Variants in SMO observed in about 807,000 individuals in gnomAD.
SMO encodes smoothened, frizzled class receptor.
A neutral mutation model predicts 81.6 loss-of-function variants in SMO; 40 were observed. The observed-to-expected ratio is 0.49, with a 90% CI of 0.38 to 0.64. The LOEUF is 0.64. SMO is among the 30% of genes least tolerant of loss of function. The pLI, the probability that SMO is intolerant of heterozygous loss-of-function variation, is 0.00. For synonymous variants in SMO, 434 were observed against 432.1 expected (o/e 1.00, Z -0.05); for missense variants, 916 against 1,061.1 (o/e 0.86, Z 1.90).
Position 129,212,686 on chromosome 7 carries a change from T to C in SMO, c.*235T>C, listed in dbSNP as rs1793898176. The C allele has an allele frequency of 1.8e-6, 1 of 561,318 alleles. No homozygotes were observed. The allele number at this position is 561,318 out of a possible 1,614,324, so 34.8% of individuals were successfully genotyped here. A position where few individuals can be genotyped will look rare whatever the true frequency, so the allele number is the denominator to read the frequency against. On this transcript the variant is annotated 3_prime_UTR_variant, in exon 12 of 12. Transcript: ENST00000249373. This position sits in a 1 kb window ranked among gnomAD's most constrained non-coding sequence, Gnocchi z 5.0. ...AGGGCCCTGGAGCTCAGGGTCCTTG[T>C]TTCTGCCCTGCCAGCTGCAGCCTGG...
At position 129,211,153 on chromosome 7, in the gene SMO, G is replaced by A. The variant is rs372440411; in HGVS notation, c.1801+40G>A. 118 of 1,573,386 alleles carry A rather than the reference G, an allele frequency of 7.5e-5. No individual in the cohort carries two copies. The African/African-American group carries it at 1.2e-3, about 16-fold the overall frequency. On this transcript the variant is annotated intron_variant, in intron 10 of 11. Coordinates refer to ENST00000249373, the MANE Select transcript of SMO (RefSeq NM_005631.5). This position sits in a 1 kb window ranked among gnomAD's most constrained non-coding sequence, Gnocchi z 4.6. ...TCCTCTACCGGAGCCGCCTGGCCCCGCGCTGCCCATGTGCTAGTCTCTCCC... is the reference window on the plus strand; with the variant it reads ...TCCTCTACCGGAGCCGCCTGGCCCCACGCTGCCCATGTGCTAGTCTCTCCC...
At position 129,206,031 on chromosome 7, in the gene SMO, GC is replaced by G. The variant is rs1793759743; in HGVS notation, c.921-116del. 1.1e-6 allele frequency: 1 copy of G among 917,088 alleles called. No individual in the cohort carries two copies. Among genetic ancestry groups the G allele is most frequent in the Admixed American group, 2.4e-5 (1 of 42,476 alleles). 56.8% of individuals were successfully genotyped at this position (917,088 alleles called of 1,614,324 possible). ...GATCTGACCTGGGTCCTGTCTCCAA[GC>G]CCTGACTTCTGGGAACCTCCAGACC... On this transcript the variant is annotated intron_variant, in intron 4 of 11. Transcript: ENST00000249373. This position sits in a 1 kb window ranked among gnomAD's most constrained non-coding sequence, Gnocchi z 4.4.
intron 1 of SMO, among the ~76,000 whole-genome samples, chr7:129,195,925 C>T (rs1457429164): frequency 6.6e-6 from 1 of 151,828 alleles, no homozygotes; most frequent in African/African-American, 2.4e-5. Flanking sequence ...CACGGTGAAA[C>T]CCCATCTCTA....
rs191988643 is a variant in SMO, at chr7:129,212,002, G to A, written c.1937-22G>A. 88 of 1,562,644 alleles carry A rather than the reference G, an allele frequency of 5.6e-5. No individual in the cohort carries two copies. The African/African-American group carries it at 7.7e-4, about 14-fold the overall frequency. ...TGGACAGAGCCAGGGCCCCAGGCTC[G>A]TGTTGTCTCTCCTCCTGTCAGTGCC... On this transcript the variant is annotated intron_variant, in intron 11 of 11. Coordinates refer to ENST00000249373, the MANE Select transcript of SMO (RefSeq NM_005631.5). This position sits in a 1 kb window ranked among gnomAD's most constrained non-coding sequence, Gnocchi z 5.0.
rs552976972 is a variant in SMO at position 129,211,333 on chromosome 7, T to A, written c.1801+220T>A. 2.3e-4 allele frequency: 168 copies of A among 718,680 alleles called. No individual in the cohort carries two copies. The highest frequency in any genetic ancestry group is 3.8e-4 in the Non-Finnish European group (153 of 400,992). 44.5% of individuals were successfully genotyped at this position (718,680 alleles called of 1,614,324 possible). A position where few individuals can be genotyped will look rare whatever the true frequency, so the allele number is the denominator to read the frequency against. ...TGCCCCTGGGTCTGCTTGCCGGTGCTTGGGTTCCAAGAAGACTCCCCTCCC... is the reference window on the plus strand; with the variant it reads ...TGCCCCTGGGTCTGCTTGCCGGTGCATGGGTTCCAAGAAGACTCCCCTCCC... On this transcript the variant is annotated intron_variant, in intron 10 of 11. Coordinates refer to ENST00000249373, the MANE Select transcript of SMO (RefSeq NM_005631.5). The surrounding 1 kb of genome is among the most constrained non-coding windows in gnomAD (Gnocchi z 4.6).
chr7:129,210,161 G>A lies in SMO; in HGVS notation c.1467-202G>A. On this transcript the variant is annotated intron_variant, in intron 8 of 11. Transcript: ENST00000249373. The surrounding 1 kb of genome is among the most constrained non-coding windows in gnomAD (Gnocchi z 4.7). ...TGGATTGATTGTCTGAGTCTACCCA[G>A]TAGACTCAGAAAACCCCACCTGTAG... 1 of 547,298 alleles carries A rather than the reference G, an allele frequency of 1.8e-6. No homozygotes were observed. Among genetic ancestry groups the A allele is most frequent in the Non-Finnish European group, 3.3e-6 (1 of 304,178 alleles). The allele number at this position is 547,298 out of a possible 1,614,324, so 33.9% of individuals were successfully genotyped here. A position where few individuals can be genotyped will look rare whatever the true frequency, so the allele number is the denominator to read the frequency against.
Position 129,211,055 on chromosome 7 carries a change from G to A in SMO, c.1743G>A (p.Gln581=), listed in dbSNP as rs1793861209. The A allele has an allele frequency of 6.2e-7, 1 of 1,613,922 alleles. No individual in the cohort carries two copies. Among genetic ancestry groups the A allele is most frequent in the Non-Finnish European group, 8.5e-7 (1 of 1,179,980 alleles). The part of the protein sequence containing the change: ...KAFSKRHELL[Q]NPGQELSFSM... Reference sequence around the variant, plus strand: ...TCTCTAAGCGGCACGAGCTCCTGCAGAACCCAGGCCAGGAGCTGTCCTTCA... The same window carrying A: ...TCTCTAAGCGGCACGAGCTCCTGCAAAACCCAGGCCAGGAGCTGTCCTTCA... Residue 581 remains glutamine, a synonymous_variant, in exon 10 of 12, where the codon CAG becomes CAA. Transcript: ENST00000249373. This position sits in a 1 kb window ranked among gnomAD's most constrained non-coding sequence, Gnocchi z 4.6.
Position 129,212,015 on chromosome 7 carries a change from T to A in SMO, c.1937-9T>A, listed in dbSNP as rs2150656231. The A allele has an allele frequency of 6.3e-7, 1 of 1,576,320 alleles. No individual in the cohort carries two copies. The stretch of plus-strand genomic sequence containing the variant: ...GGCCCCAGGCTCGTGTTGTCTCTCC[T>A]CCTGTCAGTGCCCCCAGAGGAACAA... On this transcript the variant is annotated splice_polypyrimidine_tract_variant and intron_variant, in intron 11 of 11. Coordinates refer to ENST00000249373, the MANE Select transcript of SMO (RefSeq NM_005631.5). This position sits in a 1 kb window ranked among gnomAD's most constrained non-coding sequence, Gnocchi z 5.0.
chr7:129,189,521 C>T lies in SMO; in HGVS notation c.331+39C>T, dbSNP rs1563144699. On this transcript the variant is annotated intron_variant, in intron 1 of 11. Transcript: ENST00000249373. This position sits in a 1 kb window ranked among gnomAD's most constrained non-coding sequence, Gnocchi z 4.7. ...AGCCGGGTCTGGGGGGCGGGAGGTG[C>T]CGCGGTAAGATGGGGGCACCCTTGG... 31 of 1,531,896 alleles carry T rather than the reference C, an allele frequency of 2.0e-5. No individual in the cohort carries two copies. The highest frequency in any genetic ancestry group is 2.6e-5 in the Non-Finnish European group (30 of 1,145,176). 94.9% of individuals were successfully genotyped at this position (1,531,896 alleles called of 1,614,324 possible).
chr7:129,195,973 C>T (rs1185601126), intron 1 of SMO, among the ~76,000 whole-genome samples: 2 of 151,680 alleles, frequency 1.3e-5, no homozygotes, highest in African/African-American at 2.4e-5. Context: ...CGGTGGTGGG[C>T]GCCTGTAGTC....
rs1284416222 is a variant in SMO, at chr7:129,208,826, G to C, written c.1332G>C (p.Lys444Asn). 14 of 1,613,768 alleles carry C rather than the reference G, an allele frequency of 8.7e-6. No homozygotes were observed. Among genetic ancestry groups the C allele is most frequent in the Non-Finnish European group, 8.5e-7 (1 of 1,179,880 alleles). The change falls in exon 7 of 12, where the codon AAG (lysine) becomes AAC (asparagine). Residue 444 changes from lysine (K) to asparagine (N), a missense_variant. Around this residue, in one of 4 missense-constraint regions of SMO, gnomAD observed 436 missense variants for 570.9 expected, o/e 0.76. Transcript: ENST00000249373. The surrounding 1 kb of genome is among the most constrained non-coding windows in gnomAD (Gnocchi z 5.2). ...TGCTGAGTGAGAAGGCTGCCAGCAA[G>C]ATCAACGAGACCATGCTGCGCCTGG... The part of the protein sequence containing the change: ...PGLLSEKAAS[K>N]INETMLRLGI...
In SMO at chr7:129,209,397, T is replaced by C; in HGVS notation, c.1466T>C (p.Leu489Pro). 1 of 1,601,880 alleles carries C rather than the reference T, an allele frequency of 6.2e-7. No homozygotes were observed. The highest frequency in any genetic ancestry group is 2.2e-5 in the East Asian group (1 of 44,810). ...EWERSFRDYV[L>P]CQANVTIGLP... ...GAGCGCAGCTTCCGGGACTATGTGCTGTGAGTGAGGGGCATGGAGGCGGCA... is the reference window on the plus strand; with the variant it reads ...GAGCGCAGCTTCCGGGACTATGTGCCGTGAGTGAGGGGCATGGAGGCGGCA... Residue 489 changes from leucine to proline, a missense_variant and splice_region_variant, in exon 8 of 12, where the codon CTA becomes CCA. By Grantham distance (98) the Leu-to-Pro change is moderately conservative. This residue lies in a region of SMO where 436 missense variants were observed against 570.9 expected (regional missense o/e 0.76). Coordinates refer to ENST00000249373, the MANE Select transcript of SMO (RefSeq NM_005631.5).
chr7:129,193,062 C>A (rs1456974711), intron 1 of SMO, among the ~76,000 whole-genome samples: 1 of 152,188 alleles, frequency 6.6e-6, no homozygotes, highest in East Asian at 1.9e-4. Context: ...CTCCCCTTTA[C>A]AGCTGGAAAT....
rs45571737 is a variant in SMO, at chr7:129,203,436, C to A, written c.384C>A (p.Ala128=). The part of the protein sequence containing the change: ...CWAVIQPLLC[A]VYMPKCENDR... Reference sequence around the variant, plus strand: ...CAGTGATCCAGCCCCTGCTGTGTGCCGTATACATGCCCAAGTGTGAGAATG... The same window carrying A: ...CAGTGATCCAGCCCCTGCTGTGTGCAGTATACATGCCCAAGTGTGAGAATG... Residue 128 remains alanine (A), a synonymous_variant, in exon 2 of 12, where the codon GCC becomes GCA. Coordinates refer to ENST00000249373, the MANE Select transcript of SMO (RefSeq NM_005631.5). 1 of 1,565,190 alleles carries A rather than the reference C, an allele frequency of 6.4e-7. No homozygotes were observed. The highest frequency in any genetic ancestry group is 2.4e-5 in the East Asian group (1 of 42,088).
At chr7:129,194,965 T>G (rs573909022) in intron 1 of SMO, among the ~76,000 whole-genome samples, 30 of 152,268 alleles carry the variant, frequency 2.0e-4, no homozygotes, top group Admixed American at 2.6e-4. Flanking sequence ...TATTTTTTAG[T>G]AGAGACAGGG....
chr7:129,189,209 C>A lies in SMO; in HGVS notation c.58C>A (p.Leu20Met). The A allele has an allele frequency of 8.6e-7, 1 of 1,160,476 alleles. No individual in the cohort carries two copies. Among genetic ancestry groups the A allele is most frequent in the Non-Finnish European group, 1.1e-6 (1 of 925,822 alleles). 71.9% of individuals were successfully genotyped at this position (1,160,476 alleles called of 1,614,324 possible). A position where few individuals can be genotyped will look rare whatever the true frequency, so the allele number is the denominator to read the frequency against. Residue 20 changes from leucine (L) to methionine (M), a missense_variant, in exon 1 of 12, where the codon CTG (leucine) becomes ATG (methionine). Around this residue, in one of 4 missense-constraint regions of SMO, gnomAD observed 146 missense variants for 149.9 expected, o/e 0.97. Transcript: ENST00000249373. This position sits in a 1 kb window ranked among gnomAD's most constrained non-coding sequence, Gnocchi z 4.7. ...GCTCCCGCTCCTGGGGCTGCTGCTG[C>A]TGCTGCTGCTGGGGGACCCGGGCCG... ...PELPLLGLLLLLLLGDPGRGA... is the reference protein window; with the variant it reads ...PELPLLGLLLMLLLGDPGRGA...
chr7:129,206,696 G>A lies in SMO; in HGVS notation c.1264+109G>A, dbSNP rs1793771978. ...TGCCCCCATGCTGAAACCCCAGCTAGCTCCTATAGGGCCTTCACACAGTAG... is the reference window on the plus strand; with the variant it reads ...TGCCCCCATGCTGAAACCCCAGCTAACTCCTATAGGGCCTTCACACAGTAG... On this transcript the variant is annotated intron_variant, in intron 6 of 11. Transcript: ENST00000249373. This position sits in a 1 kb window ranked among gnomAD's most constrained non-coding sequence, Gnocchi z 4.4. 3 of 1,148,266 alleles carry A rather than the reference G, an allele frequency of 2.6e-6. No homozygotes were observed. The highest frequency in any genetic ancestry group is 4.3e-5 in the Admixed American group (2 of 46,760). 71.1% of individuals were successfully genotyped at this position (1,148,266 alleles called of 1,614,324 possible).
chr7:129,198,500 A>G (rs756649481), intron 1 of SMO, among the ~76,000 whole-genome samples: 5 of 152,244 alleles, frequency 3.3e-5, no homozygotes, highest in Non-Finnish European at 7.3e-5. Flanking sequence ...AACTGAGTCC[A>G]TGTAACATGA....
chr7:129,210,563 C>A lies in SMO; in HGVS notation c.1652+15C>A. The A allele has an allele frequency of 6.2e-7, 1 of 1,602,854 alleles. No homozygotes were observed. Among genetic ancestry groups the A allele is most frequent in the South Asian group, 1.1e-5 (1 of 90,838 alleles). On this transcript the variant is annotated intron_variant, in intron 9 of 11. Transcript: ENST00000249373. The surrounding 1 kb of genome is among the most constrained non-coding windows in gnomAD (Gnocchi z 4.7). Reference sequence around the variant, plus strand: ...ACCTGGTGCAGGTGGGCATGGCAGCCAGCCCCTCCTGCCCTGCCCGCCTCA... The same window carrying A: ...ACCTGGTGCAGGTGGGCATGGCAGCAAGCCCCTCCTGCCCTGCCCGCCTCA...
Sources: allele counts gnomAD v4.1 joint callset (sites outside exome capture counted in the v4.1 genomes callset), GRCh38; gene constraint gnomAD v4.1.1; regional missense constraint gnomAD v4.1.1; non-coding constraint Gnocchi (gnomAD v3.1); transcripts MANE v1.5; gene names NCBI Gene and HGNC (gene_info 2026-07-23, HGNC 2026-07-21).